Variants in NBEA observed in about 807,000 individuals in gnomAD.
NBEA encodes neurobeachin.
A neutral mutation model predicts 343.4 loss-of-function variants in NBEA; 44 were observed. The ratio of observed to expected loss-of-function variants is 0.13; its 90% CI spans 0.10 to 0.16. The LOEUF (loss-of-function observed/expected upper bound fraction) is 0.16, where lower values mean the gene tolerates loss of function less well. NBEA is among the 10% of genes least tolerant of loss of function. NBEA has a pLI of 1.00. For missense variants in NBEA, 2,555 were observed against 3,631.3 expected (o/e 0.70, Z 7.62); for synonymous variants, 1,175 against 1,238.7 (o/e 0.95, Z 1.08).
intron 34 of NBEA, among the ~76,000 whole-genome samples, chr13:35,280,963 G>A (rs533560716): frequency 2.6e-5 from 4 of 151,904 alleles, no homozygotes; most frequent in South Asian, 2.1e-4. Context: ...TTAAAATTAC[G>A]AAGTGACTCA....
chr13:35,642,070 A>G (rs2083984630), intron 49 of NBEA, among the ~76,000 whole-genome samples: 1 of 152,198 alleles, frequency 6.6e-6, no homozygotes, highest in Admixed American at 6.5e-5. Flanking sequence ...GTTGTCTACC[A>G]ATGGCTGCAT....
At chr13:35,236,046 GTCTT>G (rs1387528578) in intron 34 of NBEA, among the ~76,000 whole-genome samples, 1 of 152,130 alleles carries the variant, frequency 6.6e-6, no homozygotes, top group Non-Finnish European at 1.5e-5. Flanking sequence ...TAATATTTAT[GTCTT>G]TCTTTGCTGA....
intron 34 of NBEA, among the ~76,000 whole-genome samples, chr13:35,244,586 TG>T (rs2030888269): frequency 6.6e-6 from 1 of 152,142 alleles, no homozygotes; most frequent in East Asian, 1.9e-4. Context: ...AGTCTTGCTT[TG>T]GCTATGTGGG....
chr13:35,355,807 C>T (rs1305233402), intron 38 of NBEA, among the ~76,000 whole-genome samples: 1 of 151,810 alleles, frequency 6.6e-6, no homozygotes, highest in Non-Finnish European at 1.5e-5. Flanking sequence ...GGCCTTAATT[C>T]CAAATGATAC....
At chr13:35,367,839 A>G (rs2183212) in intron 38 of NBEA, among the ~76,000 whole-genome samples, 79,479 of 151,190 alleles carry the variant, frequency 0.53, 23,753 homozygotes, top group South Asian at 0.68. Flanking sequence ...GACTTATCCA[A>G]CTGAATAAGC....
intron 17 of NBEA, among the ~76,000 whole-genome samples, chr13:35,140,194 A>C (rs1160760286): frequency 6.6e-6 from 1 of 150,852 alleles, no homozygotes; most frequent in Non-Finnish European, 1.5e-5. Context: ...TTTTTTTTTA[A>C]GTAGAGATGA....
chr13:35,645,894 A>G lies in NBEA; in HGVS notation c.7643A>G (p.Asp2548Gly), dbSNP rs372533925. 14 of 1,577,452 alleles carry G rather than the reference A, an allele frequency of 8.9e-6. No homozygotes were observed. Among genetic ancestry groups the G allele is most frequent in the Non-Finnish European group, 1.2e-5 (14 of 1,158,136 alleles). ...REIPEAYFIRDPHTFLLTKDF... is the reference protein window; with the variant it reads ...REIPEAYFIRGPHTFLLTKDF... ...ATTCCAGAAGCTTATTTCATTAGAG[A>G]CCCCCACACTTTCCTTCTTACAAAG... is the stretch of plus-strand genomic sequence containing the variant. The change falls in exon 50 of 59, where the codon GAC becomes GGC. Residue 2548 changes from aspartate to glycine, a missense_variant. Physicochemically the swap from Asp to Gly is moderately conservative, Grantham distance 94. Around this residue, in one of 21 missense-constraint regions of NBEA, gnomAD observed 87 missense variants for 75.0 expected, o/e 1.16. Transcript: ENST00000379939.
chr13:35,044,604 GT>G (rs1352523661), intron 2 of NBEA, among the ~76,000 whole-genome samples: 21 of 2,848 alleles, frequency 7.4e-3, no homozygotes, highest in Non-Finnish European at 0.029. Context: ...CTGTGTTGTG[GT>G]GTGTGTGTGT....
chr13:35,144,083 T>A (rs892302345), intron 18 of NBEA, among the ~76,000 whole-genome samples: 14 of 152,134 alleles, frequency 9.2e-5, no homozygotes, highest in African/African-American at 3.4e-4. Context: ...GAAATTCAAA[T>A]TTCGGTCTCT....
At chr13:35,359,537 A>G (rs1263213002) in intron 38 of NBEA, among the ~76,000 whole-genome samples, 2 of 152,102 alleles carry the variant, frequency 1.3e-5, no homozygotes, top group Non-Finnish European at 2.9e-5. Flanking sequence ...ATAACATAAA[A>G]TCTCTTTTAC....
At chr13:35,080,733 A>C (rs2064349260) in intron 10 of NBEA, among the ~76,000 whole-genome samples, 1 of 152,220 alleles carries the variant, frequency 6.6e-6, no homozygotes, top group African/African-American at 2.4e-5. Context: ...GAGTTCTAGT[A>C]GATAAGCACT....
rs2084202870 is a variant in NBEA, at chr13:35,645,852, T to C, written c.7618-17T>C. On this transcript the variant is annotated splice_polypyrimidine_tract_variant and intron_variant, in intron 49 of 58. Coordinates refer to ENST00000379939, the MANE Select transcript of NBEA (RefSeq NM_001385012.1). ...ATTGGTAGACTTCATGTCTCATTCT[T>C]TTTTTTCCCCATTAAGATTCCAGAA... The C allele has an allele frequency of 5.3e-6, 8 of 1,520,320 alleles. No homozygotes were observed. The highest frequency in any genetic ancestry group is 7.2e-6 in the Non-Finnish European group (8 of 1,115,288). The allele number at this position is 1,520,320 out of a possible 1,614,324, so 94.2% of individuals were successfully genotyped here. A position where few individuals can be genotyped will look rare whatever the true frequency, so the allele number is the denominator to read the frequency against.
chr13:35,395,337 C>A (rs1187473498), intron 38 of NBEA, among the ~76,000 whole-genome samples: 1 of 151,902 alleles, frequency 6.6e-6, no homozygotes. Context: ...CTCATGAGAT[C>A]TGCTTGTTTA....
intron 34 of NBEA, among the ~76,000 whole-genome samples, chr13:35,235,349 C>T (rs1353913988): frequency 6.6e-6 from 1 of 152,176 alleles, no homozygotes; most frequent in Non-Finnish European, 1.5e-5. Context: ...AATGTTTCCT[C>T]ATTCCCTACA....
intron 39 of NBEA, among the ~76,000 whole-genome samples, chr13:35,433,851 G>A (rs1212441723): frequency 6.6e-6 from 1 of 151,984 alleles, no homozygotes; most frequent in Non-Finnish European, 1.5e-5. Context: ...GTAGTGGCAT[G>A]CTTTATAATA....
intron 1 of NBEA, among the ~76,000 whole-genome samples, chr13:34,944,255 T>C (rs1378729538): frequency 6.6e-6 from 1 of 152,208 alleles, no homozygotes; most frequent in Non-Finnish European, 1.5e-5. Context: ...GGGTACTTTG[T>C]AACACCCATG....
chr13:35,207,972 G>A (rs1399583032), intron 31 of NBEA, among the ~76,000 whole-genome samples: 1 of 152,150 alleles, frequency 6.6e-6, no homozygotes, highest in Non-Finnish European at 1.5e-5. Flanking sequence ...TGTAATCCCA[G>A]CACTTTGGGA....
At chr13:35,389,997 G>GTGTGTGTGTA (rs1345950837) in intron 38 of NBEA, among the ~76,000 whole-genome samples, 10 of 151,346 alleles carry the variant, frequency 6.6e-5, no homozygotes, top group Admixed American at 2.6e-4. Flanking sequence ...GTGTGTGTGT[G>GTGTGTGTGTA]TGTGTGTACT....
At chr13:35,543,910 C>T (rs1440355238) in intron 41 of NBEA, among the ~76,000 whole-genome samples, 1 of 152,094 alleles carries the variant, frequency 6.6e-6, no homozygotes, top group Non-Finnish European at 1.5e-5. Flanking sequence ...GGAAGTCAAG[C>T]CTCTCCCAGT....
Sources: allele counts gnomAD v4.1 joint callset (sites outside exome capture counted in the v4.1 genomes callset), GRCh38; gene constraint gnomAD v4.1.1; regional missense constraint gnomAD v4.1.1; transcripts MANE v1.5; gene names NCBI Gene and HGNC (gene_info 2026-07-23, HGNC 2026-07-21).